Variants in TRAIP observed in about 807,000 individuals in gnomAD.
TRAIP encodes the protein E3 ubiquitin-protein ligase TRAIP.
In TRAIP, 37 loss-of-function variants were observed where a neutral mutation model predicts 65.0. The observed-to-expected ratio is 0.57, with a 90% CI of 0.44 to 0.75. TRAIP has a LOEUF of 0.75. Among genes scored for constraint, TRAIP ranks in the 30% least tolerant of loss-of-function variants. The pLI, the probability that TRAIP is intolerant of heterozygous loss-of-function variation, is 0.00. For synonymous variants in TRAIP, 187 were observed against 219.1 expected (o/e 0.85, Z 1.29); for missense variants, 481 against 579.4 (o/e 0.83, Z 1.74).
chr3:49,843,979 A>G, intron 4 of TRAIP, 51 bp from the exon 5 acceptor site: 1 of 1,563,488 alleles, frequency 6.4e-7, no homozygotes, highest in Non-Finnish European at 8.7e-7. Context: ...TCCATCCATC[A>G]GCAGAAGAAC....
intron 3 of TRAIP, 89 bp downstream of exon 3, chr3:49,847,432 GAGAA>G: frequency 1.3e-6 from 1 of 797,234 alleles, no homozygotes; most frequent in Non-Finnish European, 2.1e-6. Context: ...GAGAAGAGAA[GAGAA>G]GAGAAGAGAA....
chr3:49,833,050 A>G (rs1264628387), intron 10 of TRAIP, among the ~76,000 whole-genome samples: 1 of 152,170 alleles, frequency 6.6e-6, no homozygotes, highest in African/African-American at 2.4e-5. Context: ...CCTGCAAGTT[A>G]AAATGAAGAC....
chr3:49,832,042 T>G lies in TRAIP; in HGVS notation c.911A>C (p.Lys304Thr), dbSNP rs1368867965. The G allele has an allele frequency of 1.3e-6, 2 of 1,599,154 alleles. No individual in the cohort carries two copies. Among genetic ancestry groups the G allele is most frequent in the Non-Finnish European group, 1.7e-6 (2 of 1,172,522 alleles). The part of the protein sequence containing the change: ...ESPAPVEVNL[K>T]LRRPSFRDDI... The stretch of plus-strand genomic sequence containing the variant: ...ATCACGGAAGGATGGCCGGCGGAGC[T>G]TCAGATTCACCTCCACAGGGGCTGG... The change falls in exon 11 of 15, where the codon AAG (lysine) becomes ACG (threonine). Residue 304 changes from lysine (K) to threonine (T), a missense_variant. Coordinates refer to ENST00000331456, the MANE Select transcript of TRAIP (RefSeq NM_005879.3).
chr3:49,828,911 G>C lies in TRAIP; in HGVS notation c.*192C>G. ...AGTGGGCTGGTCATGTCAGCTCCCA[G>C]TCGTAGGAGTGGGGCAGGGTGAGGG... On this transcript the variant is annotated 3_prime_UTR_variant, in exon 15 of 15. Coordinates refer to ENST00000331456, the MANE Select transcript of TRAIP (RefSeq NM_005879.3). 2 of 696,830 alleles carry C rather than the reference G, an allele frequency of 2.9e-6. No individual in the cohort carries two copies. The highest frequency in any genetic ancestry group is 2.4e-6 in the Non-Finnish European group (1 of 412,428). 43.2% of individuals were successfully genotyped at this position (696,830 alleles called of 1,614,324 possible). A position where few individuals can be genotyped will look rare whatever the true frequency, so the allele number is the denominator to read the frequency against.
In TRAIP at chr3:49,841,848, C is replaced by T; in HGVS notation, c.595G>A (p.Val199Met). The change falls in exon 7 of 15, where the codon GTG (valine) becomes ATG (methionine). Residue 199 changes from valine to methionine, a missense_variant. Transcript: ENST00000331456. Reference protein sequence around the residue: ...VGQSAVEQLAVYCVSLKKEYE... With the variant: ...VGQSAVEQLAMYCVSLKKEYE... Reference sequence around the variant, plus strand: ...CACTTCTTGAGAGACACACAGTACACAGCCAGCTGTTCCACCGCTGACTGT... The same window carrying T: ...CACTTCTTGAGAGACACACAGTACATAGCCAGCTGTTCCACCGCTGACTGT... 2 of 1,614,206 alleles carry T rather than the reference C, an allele frequency of 1.2e-6. No individual in the cohort carries two copies. The highest frequency in any genetic ancestry group is 1.7e-6 in the Non-Finnish European group (2 of 1,180,004).
intron 11 of TRAIP, 136 bp downstream of exon 11, chr3:49,831,780 G>T: frequency 1.0e-6 from 1 of 1,000,746 alleles, no homozygotes; most frequent in Non-Finnish European, 1.4e-6. Flanking sequence ...AGAGGTAGCT[G>T]GAACCAAAGC....
Position 49,832,079 on chromosome 3 carries a change from A to G in TRAIP, c.885-11T>C. 1 of 1,571,242 alleles carries G rather than the reference A, an allele frequency of 6.4e-7. No individual in the cohort carries two copies. Among genetic ancestry groups the G allele is most frequent in the Non-Finnish European group, 8.6e-7 (1 of 1,158,202 alleles). On this transcript the variant is annotated splice_polypyrimidine_tract_variant and intron_variant, in intron 10 of 14. Transcript: ENST00000331456. The stretch of plus-strand genomic sequence containing the variant: ...TCCACAGGGGCTGGGCTGAAGGCAG[A>G]GATGACCTGGTTACTTGGGGCCACA...
At chr3:49,849,840 C>CTTTTTTTTTTTTTTT (rs1185587392) in intron 1 of TRAIP, among the ~76,000 whole-genome samples, 36 of 89,868 alleles carry the variant, frequency 4.0e-4, no homozygotes, top group Non-Finnish European at 4.7e-4. Flanking sequence ...CTTTTCTTTT[C>CTTTTTTTTTTTTTTT]TTTTTTTTTT....
chr3:49,842,916 C>T (rs990378314), intron 5 of TRAIP, among the ~76,000 whole-genome samples: 1 of 152,188 alleles, frequency 6.6e-6, no homozygotes. Flanking sequence ...AAACCCAGGC[C>T]TCACCATCCA....
chr3:49,853,403 G>C (rs1340781398), intron 1 of TRAIP, among the ~76,000 whole-genome samples: 1 of 152,030 alleles, frequency 6.6e-6, no homozygotes, highest in African/African-American at 2.4e-5. Flanking sequence ...CCAGGAGTTT[G>C]AGACCAGCCT....
intron 1 of TRAIP, among the ~76,000 whole-genome samples, chr3:49,855,451 A>T (rs2081962830): frequency 6.6e-6 from 1 of 152,230 alleles, no homozygotes; most frequent in South Asian, 2.1e-4. Flanking sequence ...TCCATCTCAA[A>T]AATAAAATAA....
At chr3:49,831,642 C>T (rs2081733758) in intron 11 of TRAIP, among the ~76,000 whole-genome samples, 1 of 152,252 alleles carries the variant, frequency 6.6e-6, no homozygotes, top group African/African-American at 2.4e-5. Flanking sequence ...AGCCCAGACC[C>T]ACCCCTTCTG....
intron 4 of TRAIP, 30 bp from the exon 5 acceptor site, chr3:49,843,958 G>A (rs2081861459): frequency 6.3e-7 from 1 of 1,586,346 alleles, no homozygotes; most frequent in Admixed American, 1.7e-5. Flanking sequence ...CGGAGGAAAG[G>A]GAAAGGCCTG....
chr3:49,850,803 C>G (rs944517738), intron 1 of TRAIP, among the ~76,000 whole-genome samples: 1 of 150,852 alleles, frequency 6.6e-6, no homozygotes, highest in Admixed American at 6.6e-5. Flanking sequence ...TACGGGTGCA[C>G]GCCACCATGC....
chr3:49,829,249 G>A, intron 14 of TRAIP, 24 bp from the exon 15 acceptor site: 9 of 1,614,198 alleles, frequency 5.6e-6, no homozygotes, highest in Non-Finnish European at 7.6e-6. Flanking sequence ...CAAGGAAGAG[G>A]CATGGAGAAA....
chr3:49,843,799 A>C lies in TRAIP; in HGVS notation c.408+2T>G, dbSNP rs931368222. On this transcript the variant is annotated splice_donor_variant, in intron 5 of 14. Coordinates refer to ENST00000331456, the MANE Select transcript of TRAIP (RefSeq NM_005879.3). LOFTEE classifies it high-confidence loss of function. ...CTGTACCCATAAAACCTGAGGACCT[A>C]CTTTCAGTGTGGAGCACAGCATCTC... 1 of 1,612,140 alleles carries C rather than the reference A, an allele frequency of 6.2e-7. No individual in the cohort carries two copies. Among genetic ancestry groups the C allele is most frequent in the Non-Finnish European group, 8.5e-7 (1 of 1,178,290 alleles).
chr3:49,837,935 T>G (rs1454405020), intron 10 of TRAIP, among the ~76,000 whole-genome samples: 2 of 151,710 alleles, frequency 1.3e-5, no homozygotes, highest in Non-Finnish European at 2.9e-5. Flanking sequence ...CAGGCTGGAG[T>G]GCAGTGGCAC....
intron 3 of TRAIP, among the ~76,000 whole-genome samples, chr3:49,845,714 G>A (rs1206351334): frequency 6.6e-6 from 1 of 152,214 alleles, no homozygotes; most frequent in Non-Finnish European, 1.5e-5. Flanking sequence ...CCAAGCCCTT[G>A]CTCCAAACTA....
At chr3:49,843,978 C>T in intron 4 of TRAIP, 50 bp from the exon 5 acceptor site, 1 of 1,563,532 alleles carries the variant, frequency 6.4e-7, no homozygotes, top group South Asian at 1.2e-5. Context: ...GTCCATCCAT[C>T]AGCAGAAGAA....
Sources: gnomAD v4.1 joint callset for allele counts (sites outside exome capture counted in the v4.1 genomes callset) on GRCh38, gnomAD v4.1.1 for gene constraint, MANE v1.5 for transcripts, NCBI Gene and HGNC (gene_info 2026-07-23, HGNC 2026-07-21) for gene names.